Variants in DPYD observed in about 807,000 individuals in gnomAD.
The protein encoded by DPYD is dihydropyrimidine dehydrogenase [NADP(+)].
DPYD carries 109 observed loss-of-function variants against 116.2 expected under a neutral mutation model. That is an observed-to-expected ratio of 0.94 (90% confidence interval 0.80 to 1.10). DPYD has a LOEUF of 1.10. Ranked by LOEUF, DPYD falls within the 50% of genes least tolerant of loss-of-function variation. The probability of loss-of-function intolerance (pLI) is 0.00; values close to 1 mark genes in which losing one functional copy is unlikely to be tolerated. For missense variants in DPYD, 1,302 were observed against 1,254.5 expected (o/e 1.04, Z -0.57); for synonymous variants, 440 against 432.0 (o/e 1.02, Z -0.23).
At chr1:97,602,105 CATAACA>C (rs1318334536) in intron 8 of DPYD, among the ~76,000 whole-genome samples, 2 of 151,906 alleles carry the variant, frequency 1.3e-5, no homozygotes, top group African/African-American at 4.8e-5. Context: ...TACACCAGCA[CATAACA>C]ATAAGTCCAG....
At chr1:97,423,537 C>T (rs1019161346) in intron 14 of DPYD, among the ~76,000 whole-genome samples, 1 of 152,080 alleles carries the variant, frequency 6.6e-6, no homozygotes, top group Non-Finnish European at 1.5e-5. Flanking sequence ...ACATAGTACC[C>T]TGGTGACCCG....
At chr1:97,468,673 G>A (rs148108014) in intron 13 of DPYD, among the ~76,000 whole-genome samples, 1 of 152,286 alleles carries the variant, frequency 6.6e-6, no homozygotes, top group East Asian at 1.9e-4. Flanking sequence ...TAACTCATAG[G>A]CAGTACAGAA....
chr1:97,430,824 A>G (rs189458110), intron 14 of DPYD, among the ~76,000 whole-genome samples: 6 of 152,110 alleles, frequency 3.9e-5, no homozygotes, highest in Admixed American at 2.6e-4. Flanking sequence ...ACTGAAATAC[A>G]ATTTTACATC....
rs991256159 is a variant in DPYD, at chr1:97,143,773, T to C, written c.2623-45141A>G. 3.3e-5 allele frequency among the ~76,000 whole-genome samples: 5 copies of C among 152,292 alleles called. No individual in the cohort carries two copies. In the South Asian group the frequency reaches 1.0e-3, roughly 32 times the overall value. ...AGTCAACTTTAAACAAAAAAGCATT[T>C]TGAAAATGGATTTTACAGCCCATCT... On this transcript the variant is annotated intron_variant, in intron 20 of 22. Coordinates refer to ENST00000370192, the MANE Select transcript of DPYD (RefSeq NM_000110.4).
intron 14 of DPYD, among the ~76,000 whole-genome samples, chr1:97,387,720 A>G (rs1672433112): frequency 6.6e-6 from 1 of 152,106 alleles, no homozygotes; most frequent in Non-Finnish European, 1.5e-5. Context: ...GGTATGTAGA[A>G]GTAACTGCAG....
chr1:97,827,974 G>C, intron 3 of DPYD, 140 bp downstream of exon 3: 3 of 790,888 alleles, frequency 3.8e-6, no homozygotes, highest in Admixed American at 4.2e-5. Flanking sequence ...ACAGCCTCAA[G>C]GGAAGTCTCT....
intron 8 of DPYD, among the ~76,000 whole-genome samples, chr1:97,635,842 C>T (rs1375252403): frequency 1.3e-5 from 2 of 152,096 alleles, no homozygotes; most frequent in Non-Finnish European, 2.9e-5. Context: ...GTTTTTGAGA[C>T]AGGATCTTAC....
chr1:97,748,623 A>AAC (rs1256068397), intron 3 of DPYD, among the ~76,000 whole-genome samples: 1 of 152,172 alleles, frequency 6.6e-6, no homozygotes, highest in African/African-American at 2.4e-5. Flanking sequence ...TAATAAATAA[A>AAC]ACAAAAGACT....
chr1:97,205,954 A>C (rs1363965494), intron 19 of DPYD, among the ~76,000 whole-genome samples: 4 of 152,070 alleles, frequency 2.6e-5, no homozygotes, highest in African/African-American at 9.7e-5. Context: ...CCAGCGCTTA[A>C]TGGGAATGGG....
At chr1:97,390,026 A>C (rs936175752) in intron 14 of DPYD, among the ~76,000 whole-genome samples, 71 of 152,096 alleles carry the variant, frequency 4.7e-4, no homozygotes, top group African/African-American at 1.6e-3. Flanking sequence ...ACTGAATTTC[A>C]TTAAAGTTTA....
At chr1:97,628,887 G>A (rs780746634) in intron 8 of DPYD, among the ~76,000 whole-genome samples, 9 of 151,984 alleles carry the variant, frequency 5.9e-5, no homozygotes, top group Non-Finnish European at 1.0e-4. Flanking sequence ...AGAGGACAGT[G>A]GTTATTTGCT....
Position 97,288,960 on chromosome 1 carries a change from A to G in DPYD, c.2299+16299T>C, listed in dbSNP as rs188448231. ...GCTAGCAAGACTAATAAAGAAGAAA[A>G]GAGAGAAGAATCAAATAGATGCAAT... On this transcript the variant is annotated intron_variant, in intron 18 of 22. Coordinates refer to ENST00000370192, the MANE Select transcript of DPYD (RefSeq NM_000110.4). 1.4e-3 allele frequency among the ~76,000 whole-genome samples: 210 copies of G among 152,224 alleles called. 2 individuals carry two copies. Among genetic ancestry groups the G allele is most frequent in the Middle Eastern group, 6.8e-3 (2 of 294 alleles).
intron 13 of DPYD, among the ~76,000 whole-genome samples, chr1:97,460,506 C>CTGAA (rs988481818): frequency 3.3e-5 from 5 of 152,118 alleles, no homozygotes; most frequent in African/African-American, 1.2e-4. Context: ...AAACGACACC[C>CTGAA]TGAAGTATGG....
chr1:97,481,288 T>C (rs1164184915), intron 13 of DPYD, among the ~76,000 whole-genome samples: 1 of 152,136 alleles, frequency 6.6e-6, no homozygotes, highest in Non-Finnish European at 1.5e-5. Context: ...AAAAGACTGA[T>C]AACATCCAGT....
chr1:97,725,167 G>A (rs1417485831), intron 4 of DPYD, among the ~76,000 whole-genome samples: 5 of 151,300 alleles, frequency 3.3e-5, no homozygotes, highest in East Asian at 1.9e-4. Flanking sequence ...ATGAACAAAC[G>A]AAAAATAAAA....
At chr1:97,459,853 A>C (rs908438685) in intron 13 of DPYD, among the ~76,000 whole-genome samples, 1 of 152,186 alleles carries the variant, frequency 6.6e-6, no homozygotes, top group African/African-American at 2.4e-5. Context: ...GATTATGTTT[A>C]TATGAGGCAA....
In DPYD at chr1:97,711,877, A is replaced by T. The variant is rs1168244282; in HGVS notation, c.483+9633T>A. Among the ~76,000 whole-genome samples, 3 of 152,032 alleles carry T rather than the reference A, an allele frequency of 2.0e-5. No homozygotes were observed. The East Asian group carries it at 5.8e-4, about 29-fold the overall frequency. On this transcript the variant is annotated intron_variant, in intron 5 of 22. Transcript: ENST00000370192. ...CTGGGATCAATATTTAATTATATTC[A>T]CAACCATATTTTTACACATTGTTTC...
chr1:97,638,526 T>C (rs545043287), intron 8 of DPYD, among the ~76,000 whole-genome samples: 1 of 152,160 alleles, frequency 6.6e-6, no homozygotes, highest in Non-Finnish European at 1.5e-5. Context: ...GCTCCTGGTA[T>C]TGAGTGAGAG....
chr1:97,646,610 AT>A (rs912348570), intron 8 of DPYD, among the ~76,000 whole-genome samples: 2 of 151,698 alleles, frequency 1.3e-5, no homozygotes, highest in Non-Finnish European at 2.9e-5. Context: ...TTCCATTGCA[AT>A]TTTTTTTGGA....
Sources: gnomAD v4.1 joint callset for allele counts (sites outside exome capture counted in the v4.1 genomes callset) on GRCh38, gnomAD v4.1.1 for gene constraint, MANE v1.5 for transcripts, NCBI Gene and HGNC (gene_info 2026-07-23, HGNC 2026-07-21) for gene names.